RCC1: variants seen among roughly 807,000 people sequenced by gnomAD.
The protein encoded by RCC1 is regulator of chromosome condensation.
RCC1 carries 11 observed loss-of-function variants against 44.4 expected under a neutral mutation model. The observed-to-expected ratio is 0.25, with a 90% CI of 0.16 to 0.41. The LOEUF (loss-of-function observed/expected upper bound fraction) is 0.41. Ranked by LOEUF, RCC1 falls within the 10% of genes least tolerant of loss-of-function variation. The pLI, the probability that RCC1 is intolerant of heterozygous loss-of-function variation, is 1.00. For synonymous variants in RCC1, 213 were observed against 216.5 expected, an observed-to-expected ratio of 0.98 and a Z score of 0.14; for missense variants, 386 against 547.1, an observed-to-expected ratio of 0.71 and a Z score of 2.94.
chr1:28,528,874 G>C (rs1197265672), intron 4 of RCC1, among the ~76,000 whole-genome samples: 1 of 143,358 alleles, frequency 7.0e-6, no homozygotes, highest in Admixed American at 7.0e-5. Flanking sequence ...TGGTTGGGGG[G>C]TGGAGTTTCA....
At chr1:28,508,928 C>G (rs1662274471) in intron 3 of RCC1, 23 bp downstream of exon 3, 2 of 499,546 alleles carry the variant, frequency 4.0e-6, no homozygotes, top group Non-Finnish European at 8.0e-6. Flanking sequence ...TTTTTTTTAA[C>G]AGGGAGGGTT....
intron 9 of RCC1, 151 bp downstream of exon 9, chr1:28,535,531 T>C: frequency 8.2e-7 from 1 of 1,214,326 alleles, no homozygotes; most frequent in Non-Finnish European, 1.2e-6. Flanking sequence ...TCTGGTAGTT[T>C]TGCCACCTAC....
rs12239694 is a variant in RCC1 at position 28,533,276 on chromosome 1, A to C, written c.441+926A>C. On this transcript the variant is annotated intron_variant, in intron 7 of 12. Transcript: ENST00000683442. ...CACGACGTCAGGAGATCGAGACCATACTGGCTAACATGGTGAAACCCCGTC... is the reference window on the plus strand; with the variant it reads ...CACGACGTCAGGAGATCGAGACCATCCTGGCTAACATGGTGAAACCCCGTC... Among the ~76,000 whole-genome samples, 1,065 of 150,840 alleles carry C rather than the reference A, an allele frequency of 7.1e-3. 13 individuals are homozygous for C. Among genetic ancestry groups the C allele is most frequent in the African/African-American group, 0.025 (1,019 of 41,068 alleles).
intron 3 of RCC1, among the ~76,000 whole-genome samples, chr1:28,515,922 C>G (rs748791076): frequency 7.9e-5 from 12 of 151,908 alleles, no homozygotes; most frequent in Non-Finnish European, 1.6e-4. Flanking sequence ...TGGCTCACGC[C>G]TGTAATCCCA....
intron 3 of RCC1, among the ~76,000 whole-genome samples, chr1:28,514,448 TCAAAAAAAAAA>T (rs1368864219): frequency 2.3e-4 from 24 of 103,402 alleles, no homozygotes; most frequent in South Asian, 1.1e-3. Flanking sequence ...AGACTCCGTC[TCAAAAAAAAAA>T]CAAAAAAAAA....
At chr1:28,507,248 C>T (rs1019755118) in intron 1 of RCC1, 16 of 438,352 alleles carry the variant, frequency 3.7e-5, no homozygotes, top group Non-Finnish European at 6.7e-5. Flanking sequence ...TTTTTTTTAA[C>T]ACCCCACTGT....
At chr1:28,533,899 A>G (rs1664372917) in intron 7 of RCC1, among the ~76,000 whole-genome samples, 1 of 28,490 alleles carries the variant, frequency 3.5e-5, no homozygotes, top group Non-Finnish European at 6.8e-5. Flanking sequence ...TTTTTTTGAG[A>G]CAGAGTCTTG....
intron 7 of RCC1, among the ~76,000 whole-genome samples, chr1:28,533,942 A>C (rs1232836327): frequency 8.2e-6 from 1 of 121,700 alleles, no homozygotes; most frequent in Non-Finnish European, 1.6e-5. Context: ...CAATGACACA[A>C]TCTCGGCTCA....
intron 5 of RCC1, among the ~76,000 whole-genome samples, chr1:28,531,182 T>TC (rs1323918904): frequency 6.6e-6 from 1 of 150,530 alleles, no homozygotes; most frequent in African/African-American, 2.5e-5. Flanking sequence ...TTAGCCAAGA[T>TC]CCACCACTGC....
intron 5 of RCC1, among the ~76,000 whole-genome samples, chr1:28,531,221 C>T (rs1266042689): frequency 2.0e-5 from 3 of 151,190 alleles, no homozygotes; most frequent in Non-Finnish European, 4.4e-5. Flanking sequence ...AGGGAGACTC[C>T]GTCTCAAAAT....
rs1484433957 is a variant in RCC1 at position 28,526,391 on chromosome 1, AC to A, written c.-9-3465del. ...CAAGACCAGGACCTTCTAACAGCAC[AC>A]CGAAGTCTCGAGAAATTCGCTTAGT... On this transcript the variant is annotated intron_variant, in intron 4 of 12. Coordinates refer to ENST00000683442, the MANE Select transcript of RCC1 (RefSeq NM_001381865.2). 28 of 435,552 alleles carry A rather than the reference AC, an allele frequency of 6.4e-5. No individual in the cohort carries two copies. The Middle Eastern group carries it at 5.1e-3, about 79-fold the overall frequency. The allele number at this position is 435,552 out of a possible 1,614,324, so 27.0% of individuals were successfully genotyped here. A position where few individuals can be genotyped will look rare whatever the true frequency, so the allele number is the denominator to read the frequency against.
Position 28,538,226 on chromosome 1 carries a change from G to T in RCC1, c.*219G>T, listed in dbSNP as rs538569479. On this transcript the variant is annotated 3_prime_UTR_variant, in exon 13 of 13. Transcript: ENST00000683442. ...GAATAAAGGGGGGGATGGACAGGGG[G>T]TTTTCAAAAGGAACATGGCTCACTC... 2.1e-5 allele frequency: 9 copies of T among 432,164 alleles called. No individual in the cohort carries two copies. The East Asian group carries it at 3.7e-4, about 18-fold the overall frequency. 26.8% of individuals were successfully genotyped at this position (432,164 alleles called of 1,614,324 possible). A position where few individuals can be genotyped will look rare whatever the true frequency, so the allele number is the denominator to read the frequency against.
rs1040455515 is a variant in RCC1, at chr1:28,531,895, G to A, written c.166G>A (p.Glu56Lys). 1.2e-6 allele frequency: 2 copies of A among 1,609,650 alleles called. No homozygotes were observed. The highest frequency in any genetic ancestry group is 1.7e-6 in the Non-Finnish European group (2 of 1,177,814). The change falls in exon 6 of 13, where the codon GAG (glutamate) becomes AAG (lysine). Residue 56 changes from glutamate (E) to lysine (K), a missense_variant. By Grantham distance (56) the Glu-to-Lys change is moderately conservative. Transcript: ENST00000683442. ...GCTGGGGCTGGGTGAGAATGTGATGGAGAGGAAGAAGCCGGCCCTGGTATC... is the reference window on the plus strand; with the variant it reads ...GCTGGGGCTGGGTGAGAATGTGATGAAGAGGAAGAAGCCGGCCCTGGTATC... Reference protein sequence around the residue: ...GQLGLGENVMERKKPALVSIP... With the variant: ...GQLGLGENVMKRKKPALVSIP...
chr1:28,514,535 G>A (rs1662769261), intron 3 of RCC1, among the ~76,000 whole-genome samples: 1 of 151,608 alleles, frequency 6.6e-6, no homozygotes, highest in East Asian at 1.9e-4. Flanking sequence ...GCTGAGACTG[G>A]CGGATCACCT....
intron 2 of RCC1, 100 bp from the exon 3 acceptor site, chr1:28,508,730 T>C (rs1395977394): frequency 5.8e-6 from 3 of 518,342 alleles, no homozygotes; most frequent in Non-Finnish European, 7.7e-6. Context: ...CTGTGGACAA[T>C]GACTGGGGAG....
chr1:28,523,233 G>GTGTTAGCCAGGA (rs1663411037), intron 4 of RCC1, among the ~76,000 whole-genome samples: 1 of 151,600 alleles, frequency 6.6e-6, no homozygotes, highest in Non-Finnish European at 1.5e-5. Flanking sequence ...GGGTTTCACC[G>GTGTTAGCCAGGA]TGGTCTCGAT....
chr1:28,538,097 C>T lies in RCC1; in HGVS notation c.*90C>T. On this transcript the variant is annotated 3_prime_UTR_variant, in exon 13 of 13. Coordinates refer to ENST00000683442, the MANE Select transcript of RCC1 (RefSeq NM_001381865.2). ...CAGCTGCAGATGGCAGCGGGCCTCT[C>T]CCCAGCCCTGAGCACTGTGTCAGTT... 3 of 1,227,836 alleles carry T rather than the reference C, an allele frequency of 2.4e-6. No individual in the cohort carries two copies. Among genetic ancestry groups the T allele is most frequent in the Non-Finnish European group, 3.4e-6 (3 of 876,238 alleles). The allele number at this position is 1,227,836 out of a possible 1,614,324, so 76.1% of individuals were successfully genotyped here. A position where few individuals can be genotyped will look rare whatever the true frequency, so the allele number is the denominator to read the frequency against.
rs1315868994 is a variant in RCC1, at chr1:28,508,819, T to C, written c.-228-11T>C. ...TCTTCAGGAGTCTAATCATTATTTC[T>C]TTTCTTTTAGGAGAGAAGACGATCT... On this transcript the variant is annotated splice_polypyrimidine_tract_variant and intron_variant, in intron 2 of 12. Transcript: ENST00000683442. 1 of 517,510 alleles carries C rather than the reference T, an allele frequency of 1.9e-6. No individual in the cohort carries two copies. Among genetic ancestry groups the C allele is most frequent in the Admixed American group, 1.9e-5 (1 of 51,302 alleles). The allele number at this position is 517,510 out of a possible 1,614,324, so 32.1% of individuals were successfully genotyped here.
intron 3 of RCC1, among the ~76,000 whole-genome samples, chr1:28,514,484 T>C (rs1332152101): frequency 1.3e-5 from 2 of 148,836 alleles, no homozygotes; most frequent in African/African-American, 5.0e-5. Context: ...TCTGGCGGCC[T>C]GGTGTGGTGG....
Sources: allele counts gnomAD v4.1 joint callset (sites outside exome capture counted in the v4.1 genomes callset), GRCh38; gene constraint gnomAD v4.1.1; transcripts MANE v1.5; gene names NCBI Gene and HGNC (gene_info 2026-07-23, HGNC 2026-07-21).